FAM185A: variants seen among roughly 807,000 people sequenced by gnomAD.
FAM185A encodes family with sequence similarity 185 member A, also known as protein FAM185A.
In FAM185A, 21 loss-of-function variants were observed where a neutral mutation model predicts 45.7. That is an observed-to-expected ratio of 0.46 (90% confidence interval 0.33 to 0.66). FAM185A has a LOEUF of 0.66. Among genes scored for constraint, FAM185A ranks in the 30% least tolerant of loss-of-function variants. The pLI, the probability that FAM185A is intolerant of heterozygous loss-of-function variation, is 0.03. For synonymous variants in FAM185A, 117 were observed against 194.0 expected (o/e 0.60, Z 3.30); for missense variants, 305 against 485.4 (o/e 0.63, Z 3.49).
At chr7:102,793,915 T>C (rs1390881301) in intron 7 of FAM185A, among the ~76,000 whole-genome samples, 1 of 150,630 alleles carries the variant, frequency 6.6e-6, no homozygotes, top group Admixed American at 6.7e-5. Flanking sequence ...GGCGGGTGCC[T>C]GAAATCCCAG....
the FAM185A span, among the ~76,000 whole-genome samples, chr7:102,843,825 T>C: frequency 3.9e-5 from 6 of 152,066 alleles, no homozygotes; most frequent in Non-Finnish European, 5.9e-5. Context: ...GTGAAGCAGC[T>C]AGAGCAAGAT....
chr7:102,836,370 A>G, the FAM185A span, among the ~76,000 whole-genome samples: 1 of 152,218 alleles, frequency 6.6e-6, no homozygotes, highest in South Asian at 2.1e-4. Context: ...TTAAACACAT[A>G]TAAGTCATAT....
At chr7:102,834,450 T>C in the FAM185A span, among the ~76,000 whole-genome samples, 2 of 112,040 alleles carry the variant, frequency 1.8e-5, no homozygotes, top group Admixed American at 8.4e-5. Flanking sequence ...ATTATATATA[T>C]GTGATTATAT....
chr7:102,767,109 A>T (rs1187560447), intron 4 of FAM185A, among the ~76,000 whole-genome samples: 1 of 148,878 alleles, frequency 6.7e-6, no homozygotes, highest in Non-Finnish European at 1.5e-5. Context: ...ACTTTTTTAT[A>T]TGAAATATTA....
In FAM185A at chr7:102,751,775, G is replaced by C. The variant is rs200475628; in HGVS notation, c.535G>C (p.Gly179Arg). ...TAATTGCAAAATTGAAACAGAGCAT[G>C]GGACTAGTATCTTGCAGTCTGTTAA... ...GDNCKIETEH[G>R]TSILQSVKGQ... is the part of the protein sequence containing the mutation. The change falls in exon 2 of 8, where the codon GGG (glycine) becomes CGG (arginine). Residue 179 changes from glycine (G) to arginine (R), a missense_variant. Physicochemically the swap from Gly to Arg is moderately radical, Grantham distance 125. Coordinates refer to ENST00000413034, the MANE Select transcript of FAM185A (RefSeq NM_001145268.2). The C allele has an allele frequency of 3.4e-5, 53 of 1,551,310 alleles. No homozygotes were observed. The East Asian group carries it at 1.2e-3, about 36-fold the overall frequency.
At chr7:102,848,073 T>A in the FAM185A span, among the ~76,000 whole-genome samples, 1 of 152,194 alleles carries the variant, frequency 6.6e-6, no homozygotes, top group Admixed American at 6.5e-5. Context: ...ATATGCACAC[T>A]TTCACTGCAT....
the FAM185A span, chr7:102,832,954 C>G: frequency 6.2e-7 from 1 of 1,614,044 alleles, no homozygotes; most frequent in African/African-American, 1.3e-5. Context: ...GTTCCAAGAT[C>G]AGTGAGCTTT....
chr7:102,831,051 A>C, the FAM185A span, among the ~76,000 whole-genome samples: 1 of 152,112 alleles, frequency 6.6e-6, no homozygotes, highest in African/African-American at 2.4e-5. Context: ...ATTTGTTGGG[A>C]ACCACCCCTG....
chr7:102,846,332 T>C, the FAM185A span, among the ~76,000 whole-genome samples: 2 of 152,170 alleles, frequency 1.3e-5, no homozygotes, highest in Non-Finnish European at 2.9e-5. Context: ...AATTAATTAA[T>C]CTGAGGCTGG....
intron 7 of FAM185A, among the ~76,000 whole-genome samples, chr7:102,792,961 A>C (rs2129442783): frequency 6.6e-6 from 1 of 152,352 alleles, no homozygotes; most frequent in East Asian, 1.9e-4. Flanking sequence ...GGAAAAATCC[A>C]GTCTTTTGAT....
chr7:102,819,031 T>G, the FAM185A span, among the ~76,000 whole-genome samples: 3 of 152,144 alleles, frequency 2.0e-5, no homozygotes, highest in Non-Finnish European at 4.4e-5. Flanking sequence ...TAGCTCCCAC[T>G]TATAAGTGAG....
At chr7:102,773,332 A>C (rs1794869016) in intron 5 of FAM185A, among the ~76,000 whole-genome samples, 2 of 151,760 alleles carry the variant, frequency 1.3e-5, no homozygotes, top group South Asian at 4.2e-4. Flanking sequence ...CTACAACAGG[A>C]TGTTAGGGAA....
intron 7 of FAM185A, among the ~76,000 whole-genome samples, chr7:102,806,235 A>T (rs140403930): frequency 1.7e-3 from 255 of 152,044 alleles, no homozygotes; most frequent in African/African-American, 6.0e-3. Context: ...CCTAGGCTGG[A>T]GTGCAATGGC....
At chr7:102,794,611 A>T (rs1796338430) in intron 7 of FAM185A, among the ~76,000 whole-genome samples, 2 of 152,148 alleles carry the variant, frequency 1.3e-5, no homozygotes, top group Admixed American at 6.5e-5. Context: ...TCTTAAAAAA[A>T]TAGAAAAAAA....
At chr7:102,844,538 G>A in the FAM185A span, among the ~76,000 whole-genome samples, 1 of 152,156 alleles carries the variant, frequency 6.6e-6, no homozygotes, top group Admixed American at 6.5e-5. Context: ...GGTGAAGAGA[G>A]CTTAGAGGAA....
chr7:102,795,383 G>T (rs1796386491), intron 7 of FAM185A, among the ~76,000 whole-genome samples: 1 of 152,140 alleles, frequency 6.6e-6, no homozygotes, highest in Admixed American at 6.5e-5. Flanking sequence ...CAGGGAGAGG[G>T]AGAAAGAAAA....
At chr7:102,835,603 G>GTTTTTTTTTTT in the FAM185A span, among the ~76,000 whole-genome samples, 1 of 97,522 alleles carries the variant, frequency 1.0e-5, no homozygotes. Flanking sequence ...AGGTGACATT[G>GTTTTTTTTTTT]TTTTTTTTTT....
rs563052195 is a variant in FAM185A at position 102,770,135 on chromosome 7, A to G, written c.794-2274A>G. On this transcript the variant is annotated intron_variant, in intron 4 of 7. Coordinates refer to ENST00000413034, the MANE Select transcript of FAM185A (RefSeq NM_001145268.2). ...TTCTTGTATTTTTATTCATCTTGAA[A>G]TTCTTCACTAACTTTTTTGGTGTAG... Among the ~76,000 whole-genome samples the G allele has an allele frequency of 1.7e-3, 252 of 152,304 alleles. 1 individual carries two copies. The highest frequency in any genetic ancestry group is 5.6e-3 in the African/African-American group (232 of 41,564).
chr7:102,750,276 T>A (rs1386137045), intron 1 of FAM185A, among the ~76,000 whole-genome samples: 1 of 152,258 alleles, frequency 6.6e-6, no homozygotes, highest in African/African-American at 2.4e-5. Flanking sequence ...GGCAAGCCAC[T>A]GTGTACACAC....
Sources: gnomAD v4.1 joint callset for allele counts (sites outside exome capture counted in the v4.1 genomes callset) on GRCh38, gnomAD v4.1.1 for gene constraint, MANE v1.5 for transcripts, NCBI Gene and HGNC (gene_info 2026-07-23, HGNC 2026-07-21) for gene names.